Variants in SASS6 observed in about 807,000 individuals in gnomAD.
SASS6 encodes the protein spindle assembly abnormal protein 6 homolog.
Under a neutral mutation model 94.9 loss-of-function variants are expected in SASS6, and 59 were observed. That is an observed-to-expected ratio of 0.62 (90% CI 0.50 to 0.77). The LOEUF (loss-of-function observed/expected upper bound fraction) is 0.77, where lower values mean the gene tolerates loss of function less well. Ranked by LOEUF, SASS6 falls within the 30% of genes least tolerant of loss-of-function variation. The pLI, the probability that SASS6 is intolerant of heterozygous loss-of-function variation, is 0.00. For missense variants in SASS6, 698 were observed against 734.1 expected (o/e 0.95, Z 0.57); for synonymous variants, 264 against 270.0 (o/e 0.98, Z 0.22).
At chr1:100,096,702 A>C (rs1652132360) in intron 14 of SASS6, among the ~76,000 whole-genome samples, 1 of 152,254 alleles carries the variant, frequency 6.6e-6, no homozygotes, top group Non-Finnish European at 1.5e-5. Flanking sequence ...AACCTTGTTT[A>C]GCAATGGTCA....
intron 1 of SASS6, among the ~76,000 whole-genome samples, chr1:100,128,972 C>T (rs1654824196): frequency 6.6e-6 from 1 of 152,152 alleles, no homozygotes; most frequent in Non-Finnish European, 1.5e-5. Flanking sequence ...GGCACAGTGG[C>T]TCACATCTGT....
At chr1:100,104,613 T>C (rs747890284) in intron 13 of SASS6, among the ~76,000 whole-genome samples, 22 of 151,666 alleles carry the variant, frequency 1.5e-4, no homozygotes, top group Non-Finnish European at 2.5e-4. Context: ...GCATGCACCA[T>C]TGCACCCAAC....
chr1:100,105,526 C>CA (rs936468482), intron 13 of SASS6, among the ~76,000 whole-genome samples: 88 of 142,182 alleles, frequency 6.2e-4, no homozygotes, highest in African/African-American at 1.2e-3. Flanking sequence ...GACTCCATCT[C>CA]AAAAAAAAAA....
intron 1 of SASS6, among the ~76,000 whole-genome samples, chr1:100,131,734 T>C (rs1655047419): frequency 6.6e-6 from 1 of 152,220 alleles, no homozygotes. Context: ...CTGAACTATA[T>C]ATACTACAGT....
At chr1:100,123,912 G>A (rs1033155790) in intron 2 of SASS6, among the ~76,000 whole-genome samples, 1 of 152,200 alleles carries the variant, frequency 6.6e-6, no homozygotes, top group Admixed American at 6.5e-5. Flanking sequence ...CGTGTACATA[G>A]TGTGGGAGAC....
chr1:100,132,109 T>C (rs1557899502), intron 1 of SASS6, among the ~76,000 whole-genome samples: 1 of 152,228 alleles, frequency 6.6e-6, no homozygotes, highest in African/African-American at 2.4e-5. Context: ...GTAAACTCCA[T>C]GAAGAAAAGG....
chr1:100,088,273 T>C (rs749864019), intron 14 of SASS6, 37 bp from the exon 15 acceptor site: 3 of 1,022,302 alleles, frequency 2.9e-6, no homozygotes. Flanking sequence ...AACTGAGTTA[T>C]ATAGAAGTAG....
chr1:100,126,517 C>A (rs1654636007), intron 1 of SASS6, among the ~76,000 whole-genome samples: 1 of 152,190 alleles, frequency 6.6e-6, no homozygotes, highest in Admixed American at 6.5e-5. Flanking sequence ...GTGGCTCACA[C>A]CTGTAATCCT....
intron 7 of SASS6, among the ~76,000 whole-genome samples, chr1:100,113,344 C>T (rs1653514064): frequency 6.6e-6 from 1 of 152,078 alleles, no homozygotes; most frequent in African/African-American, 2.4e-5. Flanking sequence ...CCCGGTGGCT[C>T]ACGCCTGTAA....
At chr1:100,124,512 A>C (rs768495818) in intron 2 of SASS6, among the ~76,000 whole-genome samples, 14 of 152,116 alleles carry the variant, frequency 9.2e-5, no homozygotes, top group Non-Finnish European at 1.9e-4. Flanking sequence ...TCTCAAGTAG[A>C]TGGAACTACA....
At chr1:100,086,852 G>T (rs1183174374) in intron 15 of SASS6, among the ~76,000 whole-genome samples, 2 of 151,944 alleles carry the variant, frequency 1.3e-5, no homozygotes, top group African/African-American at 4.8e-5. Context: ...GGCCTATGAT[G>T]AATTAAATAT....
chr1:100,106,468 T>C lies in SASS6; in HGVS notation c.1408+444A>G, dbSNP rs556614765. Among the ~76,000 whole-genome samples the C allele has an allele frequency of 3.2e-4, 49 of 152,280 alleles. 1 individual carries two copies. The highest frequency in any genetic ancestry group is 1.1e-3 in the African/African-American group (44 of 41,558). ...ATATAAATTTATTATAGAAAAGGCA[T>C]TAAGACAGTATATTTAAAGCAGAAA... On this transcript the variant is annotated intron_variant, in intron 12 of 16. Transcript: ENST00000287482.
rs1352405041 is a variant in SASS6 at position 100,125,883 on chromosome 1, T to C, written c.125A>G (p.Lys42Arg). 3 of 1,506,200 alleles carry C rather than the reference T, an allele frequency of 2.0e-6. No individual in the cohort carries two copies. Among genetic ancestry groups the C allele is most frequent in the African/African-American group, 1.4e-5 (1 of 71,930 alleles). 93.3% of individuals were successfully genotyped at this position (1,506,200 alleles called of 1,614,324 possible). A position where few individuals can be genotyped will look rare whatever the true frequency, so the allele number is the denominator to read the frequency against. Residue 42 changes from lysine to arginine, a missense_variant and splice_region_variant, in exon 2 of 17, where the codon AAG becomes AGG. Lys to Arg is a conservative substitution (Grantham distance 26). Coordinates refer to ENST00000287482, the MANE Select transcript of SASS6 (RefSeq NM_194292.3). ...LQSVSNPVHRKDLVIRLTDDT... is the reference protein window; with the variant it reads ...LQSVSNPVHRRDLVIRLTDDT... ...TTCAAAAAAGGACTAAATACCAACC[T>C]TTCTGTGAACTGGATTAGAAACTGA...
At chr1:100,109,975 C>G (rs1021812784) in intron 8 of SASS6, among the ~76,000 whole-genome samples, 1 of 151,332 alleles carries the variant, frequency 6.6e-6, no homozygotes, top group African/African-American at 2.4e-5. Flanking sequence ...GAAAAAAAAC[C>G]CCAGCCCTGT....
In SASS6 at chr1:100,085,502, TA is replaced by T. The variant is rs1651178275; in HGVS notation, c.1867+33del. ...CTTCATACATTAAATTTAATTCAAC[TA>T]TAAAGTACAAAAATCCAGAAATCCC... On this transcript the variant is annotated intron_variant, in intron 16 of 16. Coordinates refer to ENST00000287482, the MANE Select transcript of SASS6 (RefSeq NM_194292.3). 4 of 1,579,582 alleles carry T rather than the reference TA, an allele frequency of 2.5e-6. No homozygotes were observed. The African/African-American group carries it at 5.4e-5, about 21-fold the overall frequency.
chr1:100,125,505 C>A, intron 2 of SASS6, among the ~76,000 whole-genome samples: 1 of 150,902 alleles, frequency 6.6e-6, no homozygotes, highest in South Asian at 2.1e-4. Flanking sequence ...ATGGTGAAAC[C>A]CCGTCTCTAC....
intron 7 of SASS6, among the ~76,000 whole-genome samples, chr1:100,117,941 A>G (rs981824605): frequency 6.6e-6 from 1 of 152,132 alleles, no homozygotes; most frequent in African/African-American, 2.4e-5. Flanking sequence ...AAAAAGTTGT[A>G]TTAAAAGATG....
At position 100,110,495 on chromosome 1, in the gene SASS6, T is replaced by C; in HGVS notation, c.670-12A>G. On this transcript the variant is annotated splice_polypyrimidine_tract_variant and intron_variant, in intron 7 of 16. Coordinates refer to ENST00000287482, the MANE Select transcript of SASS6 (RefSeq NM_194292.3). ...TATTGAACCTGTGCCTATGATACAATAAAAATACAGTACCAAAATTCAAAG... is the reference window on the plus strand; with the variant it reads ...TATTGAACCTGTGCCTATGATACAACAAAAATACAGTACCAAAATTCAAAG... 1 of 1,443,862 alleles carries C rather than the reference T, an allele frequency of 6.9e-7. No homozygotes were observed. Among genetic ancestry groups the C allele is most frequent in the Non-Finnish European group, 9.3e-7 (1 of 1,076,762 alleles). The allele number at this position is 1,443,862 out of a possible 1,614,324, so 89.4% of individuals were successfully genotyped here.
rs980723077 is a variant in SASS6, at chr1:100,110,339, C to T, written c.814G>A (p.Asp272Asn). The T allele has an allele frequency of 6.3e-7, 1 of 1,599,768 alleles. No homozygotes were observed. The highest frequency in any genetic ancestry group is 8.5e-7 in the Non-Finnish European group (1 of 1,174,066). Residue 272 changes from aspartate (D) to asparagine (N), a missense_variant, in exon 8 of 17, where the codon GAC (aspartate) becomes AAC (asparagine). Physicochemically the swap from Asp to Asn is conservative, Grantham distance 23. Transcript: ENST00000287482. ...KDLTERKYKGDSTIRELKAKL... is the reference protein window; with the variant it reads ...KDLTERKYKGNSTIRELKAKL... ...GCTTTAAGTTCTCTAATAGTGGAGTCTCCTTTATATTTTCTTTCGGTTAAG... is the reference window on the plus strand; with the variant it reads ...GCTTTAAGTTCTCTAATAGTGGAGTTTCCTTTATATTTTCTTTCGGTTAAG...
Sources: allele counts gnomAD v4.1 joint callset (sites outside exome capture counted in the v4.1 genomes callset), GRCh38; gene constraint gnomAD v4.1.1; transcripts MANE v1.5; gene names NCBI Gene and HGNC (gene_info 2026-07-23, HGNC 2026-07-21).